The following SEC14L3 variants were observed in gnomAD, a reference collection of about 807,000 sequenced individuals.
The protein encoded by SEC14L3 is SEC14 like lipid binding 3, also known as SEC14-like protein 3.
In SEC14L3, 56 loss-of-function variants were observed where a neutral mutation model predicts 57.4. The observed-to-expected ratio is 0.97, with a 90% CI of 0.79 to 1.22. SEC14L3 has a LOEUF of 1.22. SEC14L3 is among the 50% of genes most tolerant of loss of function. The pLI is 0.00. For synonymous variants in SEC14L3, 173 were observed against 194.4 expected (o/e 0.89, Z 0.92); for missense variants, 485 against 511.7 (o/e 0.95, Z 0.50).
At chr22:30,467,969 A>G (rs989294070) in intron 5 of SEC14L3, among the ~76,000 whole-genome samples, 3 of 152,196 alleles carry the variant, frequency 2.0e-5, no homozygotes, top group Admixed American at 2.0e-4. Context: ...AACAAAGCAA[A>G]AAAACCCATC....
At chr22:30,470,340 G>T in intron 2 of SEC14L3, 85 bp from the exon 3 acceptor site, 9 of 1,591,012 alleles carry the variant, frequency 5.7e-6, no homozygotes, top group Non-Finnish European at 7.7e-6. Flanking sequence ...GGACACTGGG[G>T]GCCTGGGTGA....
At chr22:30,470,154 G>A (rs1438454645) in intron 3 of SEC14L3, 58 bp downstream of exon 3, 5 of 1,612,016 alleles carry the variant, frequency 3.1e-6, no homozygotes, top group African/African-American at 1.3e-5. Flanking sequence ...AGGGGCTTGA[G>A]GCATGGATTG....
intron 12 of SEC14L3, among the ~76,000 whole-genome samples, chr22:30,449,606 C>T (rs1934943278): frequency 6.6e-6 from 1 of 150,662 alleles, no homozygotes; most frequent in Non-Finnish European, 1.5e-5. Context: ...GCTCTGTCGC[C>T]CAGGCTGGAG....
chr22:30,466,635 A>G (rs1163916227), intron 6 of SEC14L3, among the ~76,000 whole-genome samples: 3 of 152,184 alleles, frequency 2.0e-5, no homozygotes, highest in African/African-American at 7.2e-5. Context: ...AATAATAATG[A>G]CTACTGTTGA....
At chr22:30,450,144 C>A (rs1284428128) in intron 12 of SEC14L3, among the ~76,000 whole-genome samples, 1 of 152,000 alleles carries the variant, frequency 6.6e-6, no homozygotes, top group East Asian at 1.9e-4. Context: ...TAAATGGGCA[C>A]GATGTAGTTC....
chr22:30,449,665 A>G (rs2146078944), intron 12 of SEC14L3, among the ~76,000 whole-genome samples: 1 of 151,486 alleles, frequency 6.6e-6, no homozygotes, highest in South Asian at 2.1e-4. Flanking sequence ...CCCAGTTTCA[A>G]GTGATTCTCC....
chr22:30,470,511 G>C lies in SEC14L3; in HGVS notation c.126C>G (p.Leu42=). ...NPDDYFLLRW[L]RARNFDLQKS... is the part of the protein sequence containing the mutation. Reference sequence around the variant, plus strand: ...CTCTCCCACCTCTGCCCTCACCTCGGAGCCAGCGTAGAAGGAAATAATCAT... The same window carrying C: ...CTCTCCCACCTCTGCCCTCACCTCGCAGCCAGCGTAGAAGGAAATAATCAT... The change falls in exon 2 of 12, where the codon CTC becomes CTG. Residue 42 remains leucine (L), a synonymous_variant. Transcript: ENST00000215812. 1 of 1,614,122 alleles carries C rather than the reference G, an allele frequency of 6.2e-7. No individual in the cohort carries two copies. Among genetic ancestry groups the C allele is most frequent in the Non-Finnish European group, 8.5e-7 (1 of 1,180,034 alleles).
In SEC14L3 at chr22:30,461,290, C is replaced by T. The variant is rs772394779; in HGVS notation, c.1081+20G>A. 1 of 1,555,916 alleles carries T rather than the reference C, an allele frequency of 6.4e-7. No individual in the cohort carries two copies. Among genetic ancestry groups the T allele is most frequent in the Admixed American group, 1.9e-5 (1 of 51,806 alleles). On this transcript the variant is annotated intron_variant, in intron 11 of 11. Transcript: ENST00000215812. ...TGGCTCTAGCCTTTCAGAGCCAGGT[C>T]CCAGCTGGGGCAGACTTACAGACGC...
At chr22:30,450,087 G>T (rs1429611401) in intron 12 of SEC14L3, among the ~76,000 whole-genome samples, 5 of 152,032 alleles carry the variant, frequency 3.3e-5, no homozygotes, top group African/African-American at 1.2e-4. Context: ...TGCCCTTTCT[G>T]GTCTCAGCCA....
chr22:30,449,468 A>C (rs1044822022), intron 12 of SEC14L3, among the ~76,000 whole-genome samples: 1 of 152,150 alleles, frequency 6.6e-6, no homozygotes, highest in African/African-American at 2.4e-5. Flanking sequence ...ACAGAACCCT[A>C]CTTGTCTGGT....
intron 5 of SEC14L3, 107 bp downstream of exon 5, chr22:30,468,401 G>C: frequency 2.6e-6 from 2 of 760,864 alleles, no homozygotes; most frequent in South Asian, 3.7e-5. Flanking sequence ...TTTGACCCCA[G>C]AGCCCTCTGA....
downstream of SEC14L3, among the ~76,000 whole-genome samples, chr22:30,455,145 T>TATATTATATTTAATATTTA (rs1569225711): frequency 1.0e-3 from 51 of 50,506 alleles, no homozygotes; most frequent in African/African-American, 3.3e-3. Context: ...TAATATTTAA[T>TATATTATATTTAATATTTA]ATATATTATA....
At position 30,459,557 on chromosome 22, in the gene SEC14L3, G is replaced by A; in HGVS notation, c.*464C>T. ...CTCCTCCTAATCATGTACAGCTGTT[G>A]AGTCACCTGCACCCTACCTTCTGGT... On this transcript the variant is annotated 3_prime_UTR_variant, in exon 12 of 12. Coordinates refer to ENST00000215812, the MANE Select transcript of SEC14L3 (RefSeq NM_174975.5). The A allele has an allele frequency of 2.0e-6, 2 of 987,418 alleles. No individual in the cohort carries two copies. The highest frequency in any genetic ancestry group is 2.4e-6 in the Non-Finnish European group (2 of 831,004). The allele number at this position is 987,418 out of a possible 1,614,324, so 61.2% of individuals were successfully genotyped here. A position where few individuals can be genotyped will look rare whatever the true frequency, so the allele number is the denominator to read the frequency against.
intron 8 of SEC14L3, 38 bp downstream of exon 8, chr22:30,464,782 A>G: frequency 2.5e-6 from 4 of 1,599,978 alleles, no homozygotes; most frequent in South Asian, 1.1e-5. Context: ...TCCAAAGGTC[A>G]TGTATAGAGG....
At chr22:30,456,027 G>A (rs1273127752), downstream of SEC14L3, among the ~76,000 whole-genome samples, 1 of 152,280 alleles carries the variant, frequency 6.6e-6, no homozygotes, top group African/African-American at 2.4e-5. Context: ...GGAATATTGG[G>A]CCAGGTAAGG....
At chr22:30,470,422 G>C in intron 2 of SEC14L3, 85 bp downstream of exon 2, 2 of 1,605,854 alleles carry the variant, frequency 1.2e-6, no homozygotes, top group Non-Finnish European at 1.7e-6. Context: ...GATGGACCCT[G>C]AGAGCCATGA....
Position 30,468,735 on chromosome 22 carries a change from C to A in SEC14L3, c.235-39G>T, listed in dbSNP as rs761601417. 1.1e-5 allele frequency: 18 copies of A among 1,613,844 alleles called. No homozygotes were observed. In the Admixed American group the frequency reaches 2.7e-4, roughly 24 times the overall value. On this transcript the variant is annotated intron_variant, in intron 4 of 11. Transcript: ENST00000215812. Reference sequence around the variant, plus strand: ...GATGCACAGAACTTGGCATTACACACCTCCCTTGAGACCCCAGACCAGGCT... The same window carrying A: ...GATGCACAGAACTTGGCATTACACAACTCCCTTGAGACCCCAGACCAGGCT...
At chr22:30,464,590 C>T (rs1474973894) in intron 8 of SEC14L3, among the ~76,000 whole-genome samples, 1 of 152,178 alleles carries the variant, frequency 6.6e-6, no homozygotes, top group Non-Finnish European at 1.5e-5. Flanking sequence ...ACCACCACAA[C>T]CAGCTAATTT....
chr22:30,454,982 A>G (rs1342706360), downstream of SEC14L3, among the ~76,000 whole-genome samples: 1 of 66,024 alleles, frequency 1.5e-5, no homozygotes. Flanking sequence ...ATATATTATT[A>G]TATATTATAT....
Sources: gnomAD v4.1 joint callset for allele counts (sites outside exome capture counted in the v4.1 genomes callset) on GRCh38, gnomAD v4.1.1 for gene constraint, MANE v1.5 for transcripts, NCBI Gene and HGNC (gene_info 2026-07-23, HGNC 2026-07-21) for gene names.